TADA3: variants seen among roughly 807,000 people sequenced by gnomAD.
The protein encoded by TADA3 is transcriptional adapter 3.
TADA3 carries 25 observed loss-of-function variants against 43.2 expected under a neutral mutation model. That is an observed-to-expected ratio of 0.58 (90% confidence interval 0.42 to 0.81). The LOEUF (loss-of-function observed/expected upper bound fraction) is 0.81, where lower values mean the gene tolerates loss of function less well. Ranked by LOEUF, TADA3 falls within the 30% of genes least tolerant of loss-of-function variation. The pLI is 0.00. For missense variants in TADA3, 441 were observed against 567.8 expected (o/e 0.78, Z 2.27); for synonymous variants, 235 against 225.5 (o/e 1.04, Z -0.38).
chr3:9,787,419 CTTATA>C, intron 4 of TADA3, 79 bp from the exon 5 acceptor site: 1 of 1,516,620 alleles, frequency 6.6e-7, no homozygotes, highest in Non-Finnish European at 8.8e-7. Context: ...ACTTACCTAT[CTTATA>C]TCTCTCTCAA....
chr3:9,780,155 C>T lies in TADA3; in HGVS notation c.*202G>A. 2.0e-6 allele frequency: 1 copy of T among 506,596 alleles called. No individual in the cohort carries two copies. Among genetic ancestry groups the T allele is most frequent in the Non-Finnish European group, 3.5e-6 (1 of 289,802 alleles). The allele number at this position is 506,596 out of a possible 1,614,324, so 31.4% of individuals were successfully genotyped here. The stretch of plus-strand genomic sequence containing the variant: ...CTCGGGGACCAAGCAGAGACTAGGC[C>T]TCAGGCTAGCCCAGCAGGGCTTCCT... On this transcript the variant is annotated 3_prime_UTR_variant, in exon 9 of 9. Transcript: ENST00000301964.
chr3:9,790,175 C>T (rs1299537729), intron 2 of TADA3, among the ~76,000 whole-genome samples: 3 of 152,182 alleles, frequency 2.0e-5, no homozygotes, highest in Non-Finnish European at 4.4e-5. Flanking sequence ...TTCTCATAAT[C>T]TCATTCACTT....
intron 5 of TADA3, 28 bp from the exon 6 acceptor site, chr3:9,787,137 G>A (rs772770187): frequency 1.2e-6 from 2 of 1,614,196 alleles, no homozygotes; most frequent in Non-Finnish European, 1.7e-6. Flanking sequence ...AGGAGGGGAG[G>A]TGGGCTGAAG....
chr3:9,780,168 A>G lies in TADA3; in HGVS notation c.*189T>C. ...CAGAGACTAGGCCTCAGGCTAGCCCAGCAGGGCTTCCTGTGTCCTGGTTGT... is the reference window on the plus strand; with the variant it reads ...CAGAGACTAGGCCTCAGGCTAGCCCGGCAGGGCTTCCTGTGTCCTGGTTGT... On this transcript the variant is annotated 3_prime_UTR_variant, in exon 9 of 9. Transcript: ENST00000301964. The G allele has an allele frequency of 1.8e-6, 1 of 552,256 alleles. No individual in the cohort carries two copies. The allele number at this position is 552,256 out of a possible 1,614,324, so 34.2% of individuals were successfully genotyped here. A position where few individuals can be genotyped will look rare whatever the true frequency, so the allele number is the denominator to read the frequency against.
chr3:9,783,900 G>A (rs2078540957), intron 8 of TADA3, 128 bp downstream of exon 8: 13 of 1,403,204 alleles, frequency 9.3e-6, no homozygotes, highest in Admixed American at 5.8e-5. Context: ...TGTTTTTTTC[G>A]AGGCTCTCCA....
chr3:9,783,080 C>T (rs2078518000), intron 8 of TADA3: 1 of 151,972 alleles, frequency 6.6e-6, no homozygotes, highest in African/African-American at 2.4e-5. Context: ...TTGTGATGAG[C>T]AAATAAAAAT....
intron 2 of TADA3, among the ~76,000 whole-genome samples, chr3:9,790,433 C>A (rs1375305930): frequency 6.6e-6 from 1 of 152,156 alleles, no homozygotes; most frequent in African/African-American, 2.4e-5. Context: ...CTCCTTCCTC[C>A]ACAAGTCTCT....
upstream of TADA3, chr3:9,792,739 A>C: frequency 8.0e-7 from 1 of 1,243,100 alleles, no homozygotes; most frequent in Non-Finnish European, 1.0e-6. Flanking sequence ...GGGGGTACAG[A>C]ACCGGAAGAA....
chr3:9,789,088 G>A (rs566201212), intron 4 of TADA3, among the ~76,000 whole-genome samples: 35 of 152,046 alleles, frequency 2.3e-4, no homozygotes, highest in African/African-American at 3.6e-4. Context: ...TGCCCGCCCC[G>A]GCCTCCCAAA....
upstream of TADA3, chr3:9,792,799 A>T (rs2125631731): frequency 1.6e-6 from 2 of 1,277,638 alleles, no homozygotes; most frequent in East Asian, 6.3e-5. Flanking sequence ...CCCAATCTGA[A>T]GCTGGGCTGT....
chr3:9,787,468 G>A, intron 4 of TADA3, 128 bp from the exon 5 acceptor site: 4 of 1,342,908 alleles, frequency 3.0e-6, no homozygotes, highest in Non-Finnish European at 4.0e-6. Context: ...AGTGTCAGGT[G>A]TAGGTAAGAA....
Position 9,791,303 on chromosome 3 carries a change from GACAGCAGGGTCTCCAGCTCC to G in TADA3, c.144_163del (p.Glu49PhefsTer10). ...CACACGCAGGCGCCGGCTGGCAGAAGACAGCAGGGTCTCCAGCTCCAGCTGCAGGGTGTCCAGCTCCTCGA... is the reference window on the plus strand; with the variant it reads ...CACACGCAGGCGCCGGCTGGCAGAAGAGCTGCAGGGTGTCCAGCTCCTCGA... On this transcript the variant is annotated frameshift_variant, in exon 2 of 9. Transcript: ENST00000301964. LOFTEE classifies it high-confidence loss of function. 1.2e-6 allele frequency: 2 copies of G among 1,613,850 alleles called. No homozygotes were observed. Among genetic ancestry groups the G allele is most frequent in the Non-Finnish European group, 1.7e-6 (2 of 1,180,038 alleles).
intron 4 of TADA3, among the ~76,000 whole-genome samples, chr3:9,789,207 T>C (rs1011026320): frequency 6.6e-6 from 1 of 152,216 alleles, no homozygotes; most frequent in Non-Finnish European, 1.5e-5. Flanking sequence ...GTTAAGAGGC[T>C]GTTTGGATAG....
At chr3:9,788,018 G>C in intron 4 of TADA3, 1 of 294,298 alleles carries the variant, frequency 3.4e-6, no homozygotes. Flanking sequence ...ATATGGCCGA[G>C]GAAAATGGAG....
In TADA3 at chr3:9,784,013, C is replaced by T; in HGVS notation, c.1106+15G>A. 6.2e-7 allele frequency: 1 copy of T among 1,607,706 alleles called. No individual in the cohort carries two copies. Among genetic ancestry groups the T allele is most frequent in the Non-Finnish European group, 8.5e-7 (1 of 1,175,010 alleles). On this transcript the variant is annotated intron_variant, in intron 8 of 8. Transcript: ENST00000301964. ...CAAGGCCACCCCCGGGACTGTGCAT[C>T]CTGCTAACGCTCACCTCAGCAGGTC...
chr3:9,780,624 C>T (rs2078437478), intron 8 of TADA3, 75 bp from the exon 9 acceptor site: 2 of 1,459,244 alleles, frequency 1.4e-6, no homozygotes, highest in Non-Finnish European at 1.8e-6. Context: ...CAAGACCGAG[C>T]CTACCCACCA....
At chr3:9,780,580 TCA>T (rs758193148) in intron 8 of TADA3, 31 bp from the exon 9 acceptor site, 1 of 1,583,396 alleles carries the variant, frequency 6.3e-7, no homozygotes, top group Non-Finnish European at 8.5e-7. Flanking sequence ...GGTGCCAGGG[TCA>T]GCCCACCTCC....
chr3:9,787,554 C>A, intron 4 of TADA3: 1 of 975,536 alleles, frequency 1.0e-6, no homozygotes, highest in Non-Finnish European at 1.5e-6. Context: ...GACACACACA[C>A]AGAAGCCAAT....
At chr3:9,783,766 A>C in intron 8 of TADA3, 1 of 472,642 alleles carries the variant, frequency 2.1e-6, no homozygotes, top group African/African-American at 2.0e-5. Context: ...TGACAGTGCG[A>C]GACTCCCTCT....
Sources: allele counts gnomAD v4.1 joint callset (sites outside exome capture counted in the v4.1 genomes callset), GRCh38; gene constraint gnomAD v4.1.1; transcripts MANE v1.5; gene names NCBI Gene and HGNC (gene_info 2026-07-23, HGNC 2026-07-21).